Variants in KIAA1671 observed in about 807,000 individuals in gnomAD.
The protein encoded by KIAA1671 is uncharacterized protein KIAA1671.
KIAA1671 carries 52 observed loss-of-function variants against 131.2 expected under a neutral mutation model. That is an observed-to-expected ratio of 0.40 (90% confidence interval 0.32 to 0.50). The LOEUF (loss-of-function observed/expected upper bound fraction) is 0.50, where lower values mean the gene tolerates loss of function less well. Among genes scored for constraint, KIAA1671 ranks in the 20% least tolerant of loss-of-function variants. The probability of loss-of-function intolerance (pLI) is 0.73; values close to 1 mark genes in which losing one functional copy is unlikely to be tolerated. For missense variants in KIAA1671, 2,360 were observed against 2,364.2 expected (o/e 1.00, Z 0.04); for synonymous variants, 1,003 against 961.6 (o/e 1.04, Z -0.80).
Position 25,029,161 on chromosome 22 carries a change from G to C in KIAA1671, c.1162G>C (p.Glu388Gln). 1 of 1,456,178 alleles carries C rather than the reference G, an allele frequency of 6.9e-7. No individual in the cohort carries two copies. Among genetic ancestry groups the C allele is most frequent in the South Asian group, 1.5e-5 (1 of 67,896 alleles). 90.2% of individuals were successfully genotyped at this position (1,456,178 alleles called of 1,614,324 possible). A position where few individuals can be genotyped will look rare whatever the true frequency, so the allele number is the denominator to read the frequency against. ...CAGCAATGACCAGAGTCCCTGGGAAGAAAAGGCCAAGCTGGACCCAGAGCC... is the reference window on the plus strand; with the variant it reads ...CAGCAATGACCAGAGTCCCTGGGAACAAAAGGCCAAGCTGGACCCAGAGCC... ...TPSNDQSPWE[E>Q]KAKLDPEPEK... The change falls in exon 3 of 13, where the codon GAA (glutamate) becomes CAA (glutamine). Residue 388 changes from glutamate (E) to glutamine (Q), a missense_variant. By Grantham distance (29) the Glu-to-Gln change is conservative (BLOSUM62 2). Around this residue, in one of 3 missense-constraint regions of KIAA1671, gnomAD observed 1,185 missense variants for 1,126.2 expected, o/e 1.05. Coordinates refer to ENST00000358431, the MANE Select transcript of KIAA1671 (RefSeq NM_001145206.2).
At chr22:25,092,764 G>A (rs2145879998) in intron 6 of KIAA1671, among the ~76,000 whole-genome samples, 1 of 152,332 alleles carries the variant, frequency 6.6e-6, no homozygotes, top group East Asian at 1.9e-4. Flanking sequence ...TAACAGGCGA[G>A]TGGTGCCAAA....
chr22:25,161,166 A>G (rs1365271210), intron 6 of KIAA1671, among the ~76,000 whole-genome samples: 2 of 150,074 alleles, frequency 1.3e-5, no homozygotes, highest in Non-Finnish European at 3.0e-5. Flanking sequence ...CTTCCTATTT[A>G]CTGAGCACTT....
Position 25,039,046 on chromosome 22 carries a change from A to T in KIAA1671, c.1916A>T (p.Asp639Val), listed in dbSNP as rs1926771300. The T allele has an allele frequency of 6.4e-7, 1 of 1,551,728 alleles. No homozygotes were observed. Among genetic ancestry groups the T allele is most frequent in the South Asian group, 1.2e-5 (1 of 84,068 alleles). The change falls in exon 5 of 13, where the codon GAC becomes GTC. Residue 639 changes from aspartate (D) to valine (V), a missense_variant. Asp to Val is a radical substitution (Grantham distance 152, BLOSUM62 -3). This residue lies in a region of KIAA1671 where 1,185 missense variants were observed against 1,126.2 expected (regional missense o/e 1.05). Transcript: ENST00000358431. ...TGTCTCTCCACCACACCCCCTGGTGACATGGCCCATGCCCGTGTCTCAGAA... is the reference window on the plus strand; with the variant it reads ...TGTCTCTCCACCACACCCCCTGGTGTCATGGCCCATGCCCGTGTCTCAGAA... Reference protein sequence around the residue: ...GRCLSTTPPGDMAHARVSEPR... With the variant: ...GRCLSTTPPGVMAHARVSEPR...
intron 6 of KIAA1671, among the ~76,000 whole-genome samples, chr22:25,089,486 T>C (rs1055092339): frequency 2.8e-4 from 42 of 151,900 alleles, no homozygotes; most frequent in African/African-American, 9.9e-4. Context: ...GTTGGTCAGG[T>C]TGGTTTCGAA....
intron 9 of KIAA1671, among the ~76,000 whole-genome samples, chr22:25,180,839 T>A (rs1345705616): frequency 6.6e-6 from 1 of 152,214 alleles, no homozygotes; most frequent in Admixed American, 6.5e-5. Flanking sequence ...TGCACTTTCT[T>A]GGTTTTCTGA....
chr22:25,044,226 T>TCTAA (rs1273493516), intron 5 of KIAA1671, among the ~76,000 whole-genome samples: 2 of 152,136 alleles, frequency 1.3e-5, no homozygotes, highest in African/African-American at 2.4e-5. Context: ...CATGCCAGAG[T>TCTAA]TAACAGGGAT....
rs1025114499 is a variant in KIAA1671 at position 25,039,782 on chromosome 22, C to A, written c.2652C>A (p.Leu884=). 7 of 1,504,880 alleles carry A rather than the reference C, an allele frequency of 4.7e-6. No individual in the cohort carries two copies. The highest frequency in any genetic ancestry group is 6.2e-6 in the Non-Finnish European group (7 of 1,121,840). 93.2% of individuals were successfully genotyped at this position (1,504,880 alleles called of 1,614,324 possible). Residue 884 remains leucine (L), a synonymous_variant, in exon 5 of 13, where the codon CTC becomes CTA. Transcript: ENST00000358431. ...GARGPPQGCP[L]DPLSRATNGP... is the part of the protein sequence containing the mutation. Reference sequence around the variant, plus strand: ...GGGGCCCACCCCAGGGATGCCCCCTCGATCCTCTTTCCAGGGCTACGAATG... The same window carrying A: ...GGGGCCCACCCCAGGGATGCCCCCTAGATCCTCTTTCCAGGGCTACGAATG...
intron 8 of KIAA1671, chr22:25,176,347 G>C (rs1344621794): frequency 6.6e-6 from 1 of 152,204 alleles, no homozygotes; most frequent in Non-Finnish European, 1.5e-5. Flanking sequence ...CACTGACTTA[G>C]AAGGCCTTGG....
In KIAA1671 at chr22:25,029,286, A is replaced by C. The variant is rs928631211; in HGVS notation, c.1287A>C (p.Gly429=). The C allele has an allele frequency of 2.0e-6, 3 of 1,513,038 alleles. No homozygotes were observed. Among genetic ancestry groups the C allele is most frequent in the Non-Finnish European group, 2.7e-6 (3 of 1,125,372 alleles). 93.7% of individuals were successfully genotyped at this position (1,513,038 alleles called of 1,614,324 possible). Residue 429 remains glycine (G), a synonymous_variant, in exon 3 of 13, where the codon GGA becomes GGC. Coordinates refer to ENST00000358431, the MANE Select transcript of KIAA1671 (RefSeq NM_001145206.2). The part of the protein sequence containing the change: ...RVADGEAAAG[G]EWASRRSVRK... Reference sequence around the variant, plus strand: ...CGGATGGGGAGGCCGCGGCAGGGGGAGAGTGGGCCTCCAGGAGGAGTGTCA... The same window carrying C: ...CGGATGGGGAGGCCGCGGCAGGGGGCGAGTGGGCCTCCAGGAGGAGTGTCA...
intron 6 of KIAA1671, among the ~76,000 whole-genome samples, chr22:25,115,039 C>A (rs116362486): frequency 1.3e-5 from 2 of 152,226 alleles, no homozygotes; most frequent in Non-Finnish European, 2.9e-5. Flanking sequence ...GAAATGTTTT[C>A]TAAAGCCAGC....
At chr22:25,164,721 A>G in intron 6 of KIAA1671, among the ~76,000 whole-genome samples, 1 of 152,142 alleles carries the variant, frequency 6.6e-6, no homozygotes, top group East Asian at 1.9e-4. Flanking sequence ...AGGCCAAGGC[A>G]GGCGGATCAT....
In KIAA1671 at chr22:25,032,616, A is replaced by C. The variant is rs1926354565; in HGVS notation, c.1549A>C (p.Ser517Arg). 3 of 1,544,176 alleles carry C rather than the reference A, an allele frequency of 1.9e-6. No homozygotes were observed. Among genetic ancestry groups the C allele is most frequent in the Non-Finnish European group, 2.6e-6 (3 of 1,140,914 alleles). Residue 517 changes from serine to arginine, a missense_variant, in exon 4 of 13, where the codon AGT becomes CGT. Around this residue, in one of 3 missense-constraint regions of KIAA1671, gnomAD observed 1,185 missense variants for 1,126.2 expected, o/e 1.05. Coordinates refer to ENST00000358431, the MANE Select transcript of KIAA1671 (RefSeq NM_001145206.2). ...CTCAGATCTCTGTACCAGGTTTTCA[A>C]GTTCAGCTTCCAGCAACGAAGTCAA... ...LSADLTKLFS[S>R]SASSNEVKYE...
At chr22:25,065,947 G>A (rs1398558534) in intron 6 of KIAA1671, among the ~76,000 whole-genome samples, 1 of 152,040 alleles carries the variant, frequency 6.6e-6, no homozygotes, top group Non-Finnish European at 1.5e-5. Flanking sequence ...TCGAGACTGG[G>A]TACTTTAAAG....
At chr22:25,037,081 G>C (rs1263304844) in intron 4 of KIAA1671, among the ~76,000 whole-genome samples, 11 of 152,124 alleles carry the variant, frequency 7.2e-5, no homozygotes, top group Non-Finnish European at 1.2e-4. Flanking sequence ...TCAACACTTT[G>C]GGAGGCTGAG....
intron 6 of KIAA1671, among the ~76,000 whole-genome samples, chr22:25,099,617 C>A (rs1930565487): frequency 1.5e-5 from 2 of 137,344 alleles, no homozygotes; most frequent in Admixed American, 1.6e-4. Context: ...TGCAGTGGTG[C>A]AACCTTGGCT....
At chr22:25,164,978 C>CGTGTGT (rs59765745) in intron 6 of KIAA1671, among the ~76,000 whole-genome samples, 8,453 of 116,508 alleles carry the variant, frequency 0.073, 517 homozygotes, top group South Asian at 0.11. Context: ...GAGTTGCAGG[C>CGTGTGT]GTGTGTGTGT....
At chr22:25,089,961 G>A (rs938249940) in intron 6 of KIAA1671, among the ~76,000 whole-genome samples, 3 of 152,174 alleles carry the variant, frequency 2.0e-5, no homozygotes, top group African/African-American at 7.2e-5. Flanking sequence ...CATAAAGAAC[G>A]GCGTGTGTAG....
At chr22:25,156,599 G>A (rs1933253927) in intron 6 of KIAA1671, among the ~76,000 whole-genome samples, 1 of 152,016 alleles carries the variant, frequency 6.6e-6, no homozygotes, top group Non-Finnish European at 1.5e-5. Context: ...GCATCTGCAT[G>A]TGTTTGTGTA....
chr22:24,958,749 T>A (rs1052667160), intron 1 of KIAA1671, among the ~76,000 whole-genome samples: 1 of 150,472 alleles, frequency 6.6e-6, no homozygotes, highest in South Asian at 2.1e-4. Flanking sequence ...GGCAGGTGAA[T>A]CACCTGAGGT....
Sources: gnomAD v4.1 joint callset for allele counts (sites outside exome capture counted in the v4.1 genomes callset) on GRCh38, gnomAD v4.1.1 for gene constraint, gnomAD v4.1.1 regional missense constraint, MANE v1.5 for transcripts, NCBI Gene and HGNC (gene_info 2026-07-23, HGNC 2026-07-21) for gene names.